MICU1: variants seen among roughly 807,000 people sequenced by gnomAD.
The protein encoded by MICU1 is calcium uptake protein 1, mitochondrial.
In MICU1, 45 loss-of-function variants were observed where a neutral mutation model predicts 56.8. The ratio of observed to expected loss-of-function variants is 0.79; its 90% CI spans 0.62 to 1.02. The LOEUF (loss-of-function observed/expected upper bound fraction) is 1.02. Among genes scored for constraint, MICU1 ranks in the 50% least tolerant of loss-of-function variants. MICU1 has a pLI of 0.00. For synonymous variants in MICU1, 186 were observed against 195.1 expected (o/e 0.95, Z 0.39); for missense variants, 504 against 587.1 (o/e 0.86, Z 1.46).
At chr10:72,503,469 C>T (rs1382027258) in intron 6 of MICU1, among the ~76,000 whole-genome samples, 2 of 152,062 alleles carry the variant, frequency 1.3e-5, no homozygotes, top group Non-Finnish European at 2.9e-5. Flanking sequence ...TGGCATCTAG[C>T]AAGCAGAGGT....
chr10:72,472,299 G>A (rs549006942), intron 8 of MICU1, among the ~76,000 whole-genome samples: 15 of 152,266 alleles, frequency 9.9e-5, no homozygotes, highest in African/African-American at 9.6e-5. Context: ...GAGGTATTAC[G>A]ATTAATTTAT....
chr10:72,464,361 C>T (rs1319322751), intron 8 of MICU1, among the ~76,000 whole-genome samples: 1 of 150,748 alleles, frequency 6.6e-6, no homozygotes, highest in Non-Finnish European at 1.5e-5. Context: ...CACGTGTGCT[C>T]GCACGCGCAC....
At chr10:72,549,006 A>T (rs1273933794) in intron 4 of MICU1, among the ~76,000 whole-genome samples, 1 of 152,104 alleles carries the variant, frequency 6.6e-6, no homozygotes, top group African/African-American at 2.4e-5. Context: ...CAACAACCAA[A>T]AATTTTAAAT....
chr10:72,371,382 G>A (rs140607087), intron 11 of MICU1, among the ~76,000 whole-genome samples: 3,102 of 87,938 alleles, frequency 0.035, 117 homozygotes, highest in East Asian at 0.13. Flanking sequence ...GCGAGACTCC[G>A]TCTCAAAAAA....
intron 10 of MICU1, among the ~76,000 whole-genome samples, chr10:72,391,393 C>T (rs1343537970): frequency 6.6e-6 from 1 of 151,962 alleles, no homozygotes; most frequent in Non-Finnish European, 1.5e-5. Context: ...GATCATGCCA[C>T]TGCACTCCAG....
At chr10:72,492,789 G>GAATAGAATAA (rs750749111) in intron 6 of MICU1, among the ~76,000 whole-genome samples, 14 of 135,288 alleles carry the variant, frequency 1.0e-4, no homozygotes, top group Admixed American at 2.9e-4. Flanking sequence ...AAATAGAATA[G>GAATAGAATAA]AATAAAATAA....
intron 8 of MICU1, among the ~76,000 whole-genome samples, chr10:72,443,023 C>T (rs2132188298): frequency 6.6e-6 from 1 of 152,318 alleles, no homozygotes; most frequent in African/African-American, 2.4e-5. Context: ...TCCCAAAGTG[C>T]TGGGATTACA....
rs994049347 is a variant in MICU1, at chr10:72,371,248, G to A, written c.1271-2893C>T. On this transcript the variant is annotated intron_variant, in intron 11 of 11. Coordinates refer to ENST00000361114, the MANE Select transcript of MICU1 (RefSeq NM_001195518.2). ...AAAATACAAAAAAAAATAGCTGGGC[G>A]TGGTGGCGGGTGCCTGTAGTCCCAG... Among the ~76,000 whole-genome samples, 3 of 151,452 alleles carry A rather than the reference G, an allele frequency of 2.0e-5. No homozygotes were observed. In the South Asian group the frequency reaches 6.3e-4, roughly 32 times the overall value.
At chr10:72,459,948 C>T (rs990076601) in intron 8 of MICU1, among the ~76,000 whole-genome samples, 3 of 152,212 alleles carry the variant, frequency 2.0e-5, no homozygotes, top group Admixed American at 6.5e-5. Context: ...ATTGCCAAAT[C>T]GACTCCCTTT....
At chr10:72,465,941 C>T (rs1202755324) in intron 8 of MICU1, among the ~76,000 whole-genome samples, 1 of 152,084 alleles carries the variant, frequency 6.6e-6, no homozygotes, top group Non-Finnish European at 1.5e-5. Context: ...TTTTTTCCTA[C>T]TTCATAATTT....
chr10:72,542,475 A>C (rs2132426910), intron 4 of MICU1, among the ~76,000 whole-genome samples: 1 of 152,230 alleles, frequency 6.6e-6, no homozygotes, highest in East Asian at 1.9e-4. Flanking sequence ...CTGTTGCGGG[A>C]GGGAGTGTGC....
rs1309424135 is a variant in MICU1, at chr10:72,408,055, G to A, written c.1072-18C>T. 5 of 1,544,210 alleles carry A rather than the reference G, an allele frequency of 3.2e-6. No individual in the cohort carries two copies. In the Admixed American group the frequency reaches 5.1e-5, roughly 16 times the overall value. Reference sequence around the variant, plus strand: ...GTCAGACCCTGCAAGAGGAGAGACAGCAAGGTAAGGCAGGACCTGTAACAA... The same window carrying A: ...GTCAGACCCTGCAAGAGGAGAGACAACAAGGTAAGGCAGGACCTGTAACAA... On this transcript the variant is annotated intron_variant, in intron 9 of 11. Coordinates refer to ENST00000361114, the MANE Select transcript of MICU1 (RefSeq NM_001195518.2).
chr10:72,386,397 G>A (rs1189205293), intron 10 of MICU1, among the ~76,000 whole-genome samples: 1 of 152,006 alleles, frequency 6.6e-6, no homozygotes, highest in Non-Finnish European at 1.5e-5. Context: ...GGCCAGGCTC[G>A]TCTTGAACTC....
intron 8 of MICU1, among the ~76,000 whole-genome samples, chr10:72,467,068 G>A (rs1175303165): frequency 8.6e-5 from 13 of 151,120 alleles, no homozygotes; most frequent in Admixed American, 8.6e-4. Flanking sequence ...GTGCAATCTT[G>A]TCTCACTCCG....
chr10:72,418,610 T>C (rs1864060506), intron 9 of MICU1, among the ~76,000 whole-genome samples: 3 of 152,100 alleles, frequency 2.0e-5, no homozygotes, highest in Admixed American at 2.0e-4. Flanking sequence ...TTAATTTATA[T>C]GCAAAAATTT....
At chr10:72,403,337 G>A (rs1863520007) in intron 10 of MICU1, among the ~76,000 whole-genome samples, 1 of 151,956 alleles carries the variant, frequency 6.6e-6, no homozygotes, top group African/African-American at 2.4e-5. Context: ...CAGCCTTGGC[G>A]AGAGAGAAAC....
chr10:72,493,124 T>C (rs1036697013), intron 6 of MICU1, among the ~76,000 whole-genome samples: 1 of 152,128 alleles, frequency 6.6e-6, no homozygotes, highest in African/African-American at 2.4e-5. Flanking sequence ...ACTAGTATTG[T>C]GAAATAGCAG....
intron 1 of MICU1, among the ~76,000 whole-genome samples, chr10:72,593,205 C>T (rs1310533919): frequency 1.3e-5 from 2 of 152,150 alleles, no homozygotes; most frequent in Non-Finnish European, 2.9e-5. Context: ...AAACTGAAAG[C>T]TTTTCCTTTA....
intron 8 of MICU1, among the ~76,000 whole-genome samples, chr10:72,471,930 T>TTGTG (rs58543867): frequency 0.03 from 4,578 of 150,132 alleles, 232 homozygotes; most frequent in African/African-American, 0.11. Flanking sequence ...CACTATGCCT[T>TTGTG]TGTGTGTGTG....
Sources: allele counts gnomAD v4.1 joint callset (sites outside exome capture counted in the v4.1 genomes callset), GRCh38; gene constraint gnomAD v4.1.1; transcripts MANE v1.5; gene names NCBI Gene and HGNC (gene_info 2026-07-23, HGNC 2026-07-21).